VDAC1: variants seen among roughly 807,000 people sequenced by gnomAD.
The protein encoded by VDAC1 is non-selective voltage-gated ion channel VDAC1.
VDAC1 carries 10 observed loss-of-function variants against 34.7 expected under a neutral mutation model. The observed-to-expected ratio is 0.29, with a 90% CI of 0.18 to 0.49. The LOEUF (loss-of-function observed/expected upper bound fraction) is 0.49. Among genes scored for constraint, VDAC1 ranks in the 20% least tolerant of loss-of-function variants. The pLI is 0.99. For synonymous variants in VDAC1, 130 were observed against 136.0 expected (o/e 0.96, Z 0.30); for missense variants, 230 against 347.9 (o/e 0.66, Z 2.69).
the VDAC1 span, among the ~76,000 whole-genome samples, chr5:134,105,771 T>C: frequency 1.3e-5 from 2 of 152,220 alleles, no homozygotes; most frequent in Non-Finnish European, 2.9e-5. Context: ...GTGGCCCTGC[T>C]CCCTTGGCAG....
intron 1 of VDAC1, among the ~76,000 whole-genome samples, chr5:133,998,021 C>T (rs768475229): frequency 2.0e-5 from 3 of 149,932 alleles, no homozygotes; most frequent in Admixed American, 6.7e-5. Flanking sequence ...GAGCTGAGAT[C>T]GCGCCATTGT....
chr5:134,010,896 T>G, the VDAC1 span, among the ~76,000 whole-genome samples: 31 of 151,922 alleles, frequency 2.0e-4, no homozygotes, highest in Admixed American at 1.8e-3. Flanking sequence ...TATATTTCCA[T>G]GAAACCATCA....
At chr5:133,975,747 C>T (rs1026200619) in intron 7 of VDAC1, 124 bp downstream of exon 7, 19 of 1,455,630 alleles carry the variant, frequency 1.3e-5, no homozygotes, top group Admixed American at 1.2e-4. Context: ...GCGTGAGTCA[C>T]GGCGCCCAGC....
At chr5:134,042,596 C>A in the VDAC1 span, among the ~76,000 whole-genome samples, 5 of 152,118 alleles carry the variant, frequency 3.3e-5, no homozygotes. Flanking sequence ...CAGGTTCAAG[C>A]GATTCTCCTG....
At chr5:134,082,146 TA>T in the VDAC1 span, 3 of 152,310 alleles carry the variant, frequency 2.0e-5, no homozygotes, top group African/African-American at 7.2e-5. Context: ...CCCGTGCAGC[TA>T]TTACTACAAT....
At chr5:134,095,813 G>A in the VDAC1 span, among the ~76,000 whole-genome samples, 8 of 152,198 alleles carry the variant, frequency 5.3e-5, no homozygotes, top group African/African-American at 1.4e-4. Context: ...GGTCACACCA[G>A]CCCCACTGTA....
the VDAC1 span, among the ~76,000 whole-genome samples, chr5:134,103,197 C>A: frequency 6.6e-6 from 1 of 152,280 alleles, no homozygotes; most frequent in African/African-American, 2.4e-5. Context: ...TCTCAGCTAA[C>A]TGTAGCCTCC....
chr5:134,096,973 T>C, the VDAC1 span, among the ~76,000 whole-genome samples: 2 of 152,248 alleles, frequency 1.3e-5, no homozygotes, highest in African/African-American at 4.8e-5. Flanking sequence ...GGGGAAGCCG[T>C]GGATTTCCTG....
chr5:134,101,317 C>T, the VDAC1 span, among the ~76,000 whole-genome samples: 3 of 148,980 alleles, frequency 2.0e-5, no homozygotes, highest in African/African-American at 2.4e-5. Flanking sequence ...TGGCCAGGCG[C>T]GGTGGCTCAC....
the VDAC1 span, among the ~76,000 whole-genome samples, chr5:134,087,358 C>T: frequency 6.6e-6 from 1 of 152,054 alleles, no homozygotes; most frequent in Non-Finnish European, 1.5e-5. Context: ...AGCCAGGAGG[C>T]CTGGGTGCTG....
At chr5:133,979,713 C>A (rs980063646) in intron 6 of VDAC1, among the ~76,000 whole-genome samples, 6 of 152,150 alleles carry the variant, frequency 3.9e-5, no homozygotes, top group Admixed American at 3.3e-4. Context: ...CAGGCGTGAG[C>A]CACGACGCCC....
chr5:134,090,612 G>A, the VDAC1 span, among the ~76,000 whole-genome samples: 1 of 152,052 alleles, frequency 6.6e-6, no homozygotes, highest in African/African-American at 2.4e-5. Context: ...CTTGGGCCCC[G>A]TGCCAGCAAA....
the VDAC1 span, among the ~76,000 whole-genome samples, chr5:134,088,135 A>C: frequency 6.6e-6 from 1 of 152,202 alleles, no homozygotes; most frequent in Admixed American, 6.6e-5. Flanking sequence ...AGCCTGGGTG[A>C]CAAGAGCAAA....
At chr5:134,107,843 C>T in the VDAC1 span, among the ~76,000 whole-genome samples, 22 of 152,224 alleles carry the variant, frequency 1.4e-4, no homozygotes, top group Non-Finnish European at 2.8e-4. Context: ...ATTACTCTTA[C>T]CCCCACTTAA....
chr5:134,040,448 G>A, the VDAC1 span, among the ~76,000 whole-genome samples: 1 of 152,172 alleles, frequency 6.6e-6, no homozygotes. Context: ...GGTGGCACGT[G>A]CCTGTAGTCC....
intron 6 of VDAC1, among the ~76,000 whole-genome samples, chr5:133,979,490 C>T (rs577321982): frequency 9.5e-5 from 11 of 115,810 alleles, no homozygotes; most frequent in African/African-American, 3.6e-4. Context: ...AGCGCAGTGG[C>T]GTGATCTCGG....
At position 133,972,288 on chromosome 5, in the gene VDAC1, T is replaced by G. The variant is rs1387677982; in HGVS notation, c.*483A>C. ...TTACCACACCCTGCAGACCTTTTGGTGTAAAAGAGATGATGATGAACTGGG... is the reference window on the plus strand; with the variant it reads ...TTACCACACCCTGCAGACCTTTTGGGGTAAAAGAGATGATGATGAACTGGG... On this transcript the variant is annotated 3_prime_UTR_variant, in exon 9 of 9. Coordinates refer to ENST00000265333, the MANE Select transcript of VDAC1 (RefSeq NM_003374.3). 3 of 249,988 alleles carry G rather than the reference T, an allele frequency of 1.2e-5. No individual in the cohort carries two copies. 15.5% of individuals were successfully genotyped at this position (249,988 alleles called of 1,614,324 possible).
chr5:134,044,986 T>G, the VDAC1 span, among the ~76,000 whole-genome samples: 2 of 152,196 alleles, frequency 1.3e-5, no homozygotes, highest in African/African-American at 4.8e-5. Context: ...TTTGGCCTTT[T>G]GGGTAGCTGG....
the VDAC1 span, among the ~76,000 whole-genome samples, chr5:134,076,722 G>A: frequency 6.6e-6 from 1 of 152,108 alleles, no homozygotes; most frequent in Admixed American, 6.6e-5. Context: ...GTAAGGCAAG[G>A]GGCTGGATCA....
Sources: allele counts gnomAD v4.1 joint callset (sites outside exome capture counted in the v4.1 genomes callset), GRCh38; gene constraint gnomAD v4.1.1; transcripts MANE v1.5; gene names NCBI Gene and HGNC (gene_info 2026-07-23, HGNC 2026-07-21).